The following SLF1 variants were observed in gnomAD, a reference collection of about 807,000 sequenced individuals.
SLF1 encodes the protein SMC5/6 complex localization factor 1, also known as SMC5-SMC6 complex localization factor protein 1.
SLF1 carries 105 observed loss-of-function variants against 123.0 expected under a neutral mutation model. That is an observed-to-expected ratio of 0.85 (90% CI 0.73 to 1.00). The LOEUF (loss-of-function observed/expected upper bound fraction) is 1.00, where lower values mean the gene tolerates loss of function less well. SLF1 is among the 50% of genes least tolerant of loss of function. The probability of loss-of-function intolerance (pLI) is 0.00; values close to 1 mark genes in which losing one functional copy is unlikely to be tolerated. For synonymous variants in SLF1, 434 were observed against 406.6 expected (o/e 1.07, Z -0.81); for missense variants, 1,239 against 1,223.0 (o/e 1.01, Z -0.20).
At chr5:94,694,588 A>G (rs1389972245) in intron 20 of SLF1, among the ~76,000 whole-genome samples, 1 of 151,806 alleles carries the variant, frequency 6.6e-6, no homozygotes, top group East Asian at 1.9e-4. Context: ...TTGTAGTTGT[A>G]TTTATTATTT....
intron 4 of SLF1, among the ~76,000 whole-genome samples, chr5:94,636,086 T>C (rs1425231905): frequency 1.3e-5 from 2 of 152,202 alleles, no homozygotes; most frequent in African/African-American, 4.8e-5. Flanking sequence ...TTTTTTTCCT[T>C]TATCACTTTG....
intron 5 of SLF1, among the ~76,000 whole-genome samples, chr5:94,644,969 T>C (rs1746851153): frequency 6.6e-6 from 1 of 152,198 alleles, no homozygotes; most frequent in East Asian, 1.9e-4. Context: ...CAAAATTACA[T>C]GTAATATATC....
chr5:94,684,711 A>T (rs2152496203), intron 15 of SLF1, among the ~76,000 whole-genome samples: 1 of 151,742 alleles, frequency 6.6e-6, no homozygotes, highest in South Asian at 2.1e-4. Context: ...AAAAAAAAAA[A>T]AAAAAAAAAA....
chr5:94,670,158 C>G lies in SLF1; in HGVS notation c.1540C>G (p.Leu514Val), dbSNP rs1416136363. 2.6e-6 allele frequency: 4 copies of G among 1,537,106 alleles called. No individual in the cohort carries two copies. The highest frequency in any genetic ancestry group is 3.5e-6 in the Non-Finnish European group (4 of 1,141,148). Residue 514 changes from leucine to valine, a missense_variant, in exon 13 of 21, where the codon CTT becomes GTT. By Grantham distance (32) the Leu-to-Val change is conservative (BLOSUM62 1). Transcript: ENST00000265140. The part of the protein sequence containing the change: ...SLVEVLIRSC[L>V]FNESFCHQIS... Reference sequence around the variant, plus strand: ...TGGGTTCATGTTTTTCAGGTCTTGCCTTTTCAATGAAAGCTTTTGTCATCA... The same window carrying G: ...TGGGTTCATGTTTTTCAGGTCTTGCGTTTTCAATGAAAGCTTTTGTCATCA...
At chr5:94,630,383 T>A (rs998001155) in intron 3 of SLF1, 120 bp from the exon 4 acceptor site, 1 of 1,185,726 alleles carries the variant, frequency 8.4e-7, no homozygotes, top group African/African-American at 1.5e-5. Context: ...AAAGATAATG[T>A]TAGCAGCATA....
chr5:94,637,697 C>G (rs1461530166), intron 4 of SLF1, among the ~76,000 whole-genome samples: 9 of 151,992 alleles, frequency 5.9e-5, no homozygotes, highest in Admixed American at 5.9e-4. Context: ...AGCCTCTGTA[C>G]TTTAATGAAG....
intron 1 of SLF1, among the ~76,000 whole-genome samples, chr5:94,627,601 T>TATAC (rs1744644131): frequency 1.5e-5 from 2 of 134,478 alleles, no homozygotes; most frequent in Admixed American, 7.3e-5. Flanking sequence ...TATATATATA[T>TATAC]ATATATATAT....
intron 1 of SLF1, among the ~76,000 whole-genome samples, chr5:94,623,818 G>T (rs923329173): frequency 6.6e-6 from 1 of 151,968 alleles, no homozygotes; most frequent in Non-Finnish European, 1.5e-5. Flanking sequence ...ATCCTGCAGG[G>T]TCAGAAAGAA....
intron 1 of SLF1, among the ~76,000 whole-genome samples, chr5:94,622,623 C>T (rs1791895208): frequency 6.6e-6 from 1 of 151,972 alleles, no homozygotes; most frequent in Non-Finnish European, 1.5e-5. Context: ...TTTCTATATA[C>T]TTTGTAATAT....
At chr5:94,621,899 CACACACAT>C (rs1260634568) in intron 1 of SLF1, among the ~76,000 whole-genome samples, 1 of 151,980 alleles carries the variant, frequency 6.6e-6, no homozygotes, top group African/African-American at 2.4e-5. Flanking sequence ...CACACACACA[CACACACAT>C]ACACACGTGC....
At chr5:94,648,782 A>G (rs987684937) in intron 5 of SLF1, among the ~76,000 whole-genome samples, 3 of 152,176 alleles carry the variant, frequency 2.0e-5, no homozygotes, top group Non-Finnish European at 2.9e-5. Flanking sequence ...GCCCAGCCTG[A>G]ACAGCCTCTC....
chr5:94,626,765 G>A (rs1223450824), intron 1 of SLF1, among the ~76,000 whole-genome samples: 1 of 152,144 alleles, frequency 6.6e-6, no homozygotes, highest in Non-Finnish European at 1.5e-5. Context: ...ACTACTACTG[G>A]CAGCTCCTTA....
intron 4 of SLF1, among the ~76,000 whole-genome samples, chr5:94,638,513 A>T (rs963511437): frequency 9.2e-5 from 14 of 152,216 alleles, no homozygotes; most frequent in Admixed American, 3.9e-4. Flanking sequence ...CAGGTTGTCT[A>T]GCTGTGCCAT....
chr5:94,690,932 CTGTG>C (rs3084537), intron 18 of SLF1, among the ~76,000 whole-genome samples: 9 of 144,668 alleles, frequency 6.2e-5, no homozygotes, highest in South Asian at 4.4e-4. Flanking sequence ...GTGTGTGTGT[CTGTG>C]TGTGTGTGTG....
At chr5:94,679,390 T>TTA (rs1043053221) in intron 15 of SLF1, among the ~76,000 whole-genome samples, 3 of 151,996 alleles carry the variant, frequency 2.0e-5, no homozygotes, top group African/African-American at 7.3e-5. Flanking sequence ...GCCCAGGAGT[T>TTA]TGAGACCAGC....
At chr5:94,685,022 A>G (rs548567653) in intron 15 of SLF1, among the ~76,000 whole-genome samples, 25 of 152,330 alleles carry the variant, frequency 1.6e-4, no homozygotes, top group Non-Finnish European at 2.2e-4. Flanking sequence ...CCTTTCCCCA[A>G]TGTGGCAACC....
At chr5:94,645,147 G>C (rs577202244) in intron 5 of SLF1, among the ~76,000 whole-genome samples, 1 of 152,294 alleles carries the variant, frequency 6.6e-6, no homozygotes, top group South Asian at 2.1e-4. Context: ...ATGAAGAGAA[G>C]TATGTAAGAG....
At chr5:94,673,276 CACT>C (rs1750671531) in intron 14 of SLF1, among the ~76,000 whole-genome samples, 2 of 152,084 alleles carry the variant, frequency 1.3e-5, no homozygotes, top group Non-Finnish European at 2.9e-5. Context: ...TTGAGTACCT[CACT>C]AGATTTTGGC....
chr5:94,665,793 A>G (rs1749684746), intron 11 of SLF1, 68 bp from the exon 12 acceptor site: 2 of 1,365,064 alleles, frequency 1.5e-6, no homozygotes, highest in Non-Finnish European at 2.0e-6. Flanking sequence ...TTGGTTTTAG[A>G]CTGAATTAGA....
Sources: gnomAD v4.1 joint callset for allele counts (sites outside exome capture counted in the v4.1 genomes callset) on GRCh38, gnomAD v4.1.1 for gene constraint, MANE v1.5 for transcripts, NCBI Gene and HGNC (gene_info 2026-07-23, HGNC 2026-07-21) for gene names.